The following TTLL4 variants were observed in gnomAD, a reference collection of about 807,000 sequenced individuals.
The protein encoded by TTLL4 is tubulin monoglutamylase TTLL4.
A neutral mutation model predicts 122.7 loss-of-function variants in TTLL4; 85 were observed. The observed-to-expected ratio is 0.69, with a 90% CI of 0.58 to 0.83. The LOEUF is 0.83. Ranked by LOEUF, TTLL4 falls within the 40% of genes least tolerant of loss-of-function variation. The pLI is 0.00. For missense variants in TTLL4, 1,363 were observed against 1,488.6 expected (o/e 0.92, Z 1.39); for synonymous variants, 553 against 563.0 (o/e 0.98, Z 0.25).
chr2:218,750,959 A>G (rs566315673), intron 15 of TTLL4, among the ~76,000 whole-genome samples: 1 of 152,216 alleles, frequency 6.6e-6, no homozygotes, highest in African/African-American at 2.4e-5. Flanking sequence ...ATGTGTGAGG[A>G]AAAAAACCCT....
chr2:218,754,615 G>C lies in TTLL4; in HGVS notation c.*226G>C, dbSNP rs1427467563. On this transcript the variant is annotated 3_prime_UTR_variant, in exon 20 of 20. Transcript: ENST00000392102. ...GTCACCCTCTGTCACCTGTCTGCCT[G>C]GCTGGCACCTCATATCTCAGCAGAG... 3.2e-5 allele frequency: 20 copies of C among 627,538 alleles called. No individual in the cohort carries two copies. Among genetic ancestry groups the C allele is most frequent in the Non-Finnish European group, 4.9e-5 (18 of 370,080 alleles). 38.9% of individuals were successfully genotyped at this position (627,538 alleles called of 1,614,324 possible). A position where few individuals can be genotyped will look rare whatever the true frequency, so the allele number is the denominator to read the frequency against.
chr2:218,752,713 C>T, intron 16 of TTLL4, 50 bp from the exon 17 acceptor site: 1 of 1,601,844 alleles, frequency 6.2e-7, no homozygotes, highest in Non-Finnish European at 8.5e-7. Context: ...GTCTCTGCCC[C>T]TGGCTTACAC....
chr2:218,717,721 G>C (rs898217668), intron 1 of TTLL4, among the ~76,000 whole-genome samples: 1 of 151,972 alleles, frequency 6.6e-6, no homozygotes, highest in African/African-American at 2.4e-5. Flanking sequence ...GAGAGCTTGG[G>C]ATTTATCTCA....
downstream of TTLL4, among the ~76,000 whole-genome samples, chr2:218,756,873 GC>G (rs1367472361): frequency 2.0e-5 from 3 of 152,156 alleles, no homozygotes; most frequent in African/African-American, 7.2e-5. Context: ...TGTTTACTTT[GC>G]ATCCACTTTG....
intron 2 of TTLL4, among the ~76,000 whole-genome samples, chr2:218,728,457 G>A (rs548136626): frequency 1.3e-5 from 2 of 152,292 alleles, no homozygotes; most frequent in African/African-American, 4.8e-5. Flanking sequence ...TTGCCGCTGA[G>A]CCTATAGGAG....
chr2:218,756,908 TAGA>T (rs1007453530), downstream of TTLL4, among the ~76,000 whole-genome samples: 2 of 152,102 alleles, frequency 1.3e-5, no homozygotes, highest in African/African-American at 2.4e-5. Flanking sequence ...CTCAGTTTCT[TAGA>T]AGAAATAGTA....
intron 5 of TTLL4, among the ~76,000 whole-genome samples, chr2:218,740,981 G>A (rs754299926): frequency 3.3e-5 from 5 of 152,144 alleles, no homozygotes; most frequent in Non-Finnish European, 5.9e-5. Context: ...GCTGAGGCAC[G>A]AGAATCACTT....
chr2:218,749,294 G>C lies in TTLL4; in HGVS notation c.2642G>C (p.Arg881Pro), dbSNP rs757236209. The change falls in exon 14 of 20, where the codon CGA becomes CCA. Residue 881 changes from arginine (R) to proline (P), a missense_variant. Arg to Pro is a moderately radical substitution (Grantham distance 103). This residue lies in a region of TTLL4 where 596 missense variants were observed against 655.8 expected (regional missense o/e 0.91). Coordinates refer to ENST00000392102, the MANE Select transcript of TTLL4 (RefSeq NM_014640.5). ...ACCAGCCTGCTCAAGATGTATGTGC[G>C]ACGGCCCTATAGCTGCCATGAACTC... ...YVTSLLKMYV[R>P]RPYSCHELFG... The C allele has an allele frequency of 1.2e-6, 2 of 1,614,116 alleles. No individual in the cohort carries two copies. Among genetic ancestry groups the C allele is most frequent in the South Asian group, 1.1e-5 (1 of 91,080 alleles).
At chr2:218,726,667 G>C (rs946226529) in intron 1 of TTLL4, among the ~76,000 whole-genome samples, 5 of 152,050 alleles carry the variant, frequency 3.3e-5, no homozygotes, top group African/African-American at 1.2e-4. Flanking sequence ...GGGTTTCACT[G>C]TCTTGGCCAG....
At position 218,754,152 on chromosome 2, in the gene TTLL4, G is replaced by A; in HGVS notation, c.3363G>A (p.Glu1121=). Residue 1121 remains glutamate, a synonymous_variant, in exon 20 of 20, where the codon GAG becomes GAA. Transcript: ENST00000392102. ...CCTCCAGAAAACAAAGCTCCTGTGA[G>A]GTTAGCCTACTACTCTCTGAAGACG... is the stretch of plus-strand genomic sequence containing the variant. The part of the protein sequence containing the change: ...TSKLGKQSSC[E]VSLLLSEDGT... 6.2e-7 allele frequency: 1 copy of A among 1,614,136 alleles called. No individual in the cohort carries two copies. Among genetic ancestry groups the A allele is most frequent in the Non-Finnish European group, 8.5e-7 (1 of 1,180,030 alleles).
At chr2:218,728,950 G>T (rs530001263) in intron 2 of TTLL4, among the ~76,000 whole-genome samples, 5 of 148,766 alleles carry the variant, frequency 3.4e-5, no homozygotes, top group Admixed American at 2.0e-4. Context: ...TTGGCGGGGG[G>T]GGGCATAGTT....
At chr2:218,753,731 C>T (rs1429486267) in intron 19 of TTLL4, 62 bp downstream of exon 19, 2 of 1,557,022 alleles carry the variant, frequency 1.3e-6, no homozygotes, top group African/African-American at 1.4e-5. Context: ...TTTCTTCCTT[C>T]CCCTCTTCCC....
chr2:218,721,115 C>T (rs1278438726), intron 1 of TTLL4, among the ~76,000 whole-genome samples: 1 of 152,174 alleles, frequency 6.6e-6, no homozygotes, highest in East Asian at 1.9e-4. Context: ...TGTGGCTGTT[C>T]ATCTGTATCC....
At chr2:218,750,245 T>C (rs1942979853) in intron 15 of TTLL4, 99 bp downstream of exon 15, 1 of 1,491,550 alleles carries the variant, frequency 6.7e-7, no homozygotes. Flanking sequence ...TCTGCCAGGT[T>C]CCCCTTGCTG....
At chr2:218,737,183 A>T (rs1017352242) in intron 2 of TTLL4, among the ~76,000 whole-genome samples, 24 of 152,102 alleles carry the variant, frequency 1.6e-4, no homozygotes, top group African/African-American at 5.8e-4. Flanking sequence ...CTCACTTCAG[A>T]TTTGCTTTAT....
chr2:218,745,018 G>A, intron 5 of TTLL4, 91 bp from the exon 6 acceptor site: 1 of 1,518,326 alleles, frequency 6.6e-7, no homozygotes, highest in Non-Finnish European at 8.9e-7. Flanking sequence ...TTAAAAGACA[G>A]CACTTGGAAA....
chr2:218,720,361 C>T (rs1941996101), intron 1 of TTLL4, among the ~76,000 whole-genome samples: 1 of 152,060 alleles, frequency 6.6e-6, no homozygotes, highest in South Asian at 2.1e-4. Context: ...AGAGTGCACG[C>T]ACTGAGTAAA....
chr2:218,721,718 A>G (rs1430917101), intron 1 of TTLL4, among the ~76,000 whole-genome samples: 1 of 152,196 alleles, frequency 6.6e-6, no homozygotes, highest in Non-Finnish European at 1.5e-5. Flanking sequence ...ATGAGCCCTG[A>G]TTACCATTCT....
chr2:218,752,251 G>A (rs530301461), intron 16 of TTLL4, among the ~76,000 whole-genome samples: 1 of 152,308 alleles, frequency 6.6e-6, no homozygotes, highest in East Asian at 1.9e-4. Context: ...ATCCAGGCCT[G>A]TGATCCTCTG....
Sources: allele counts gnomAD v4.1 joint callset (sites outside exome capture counted in the v4.1 genomes callset), GRCh38; gene constraint gnomAD v4.1.1; regional missense constraint gnomAD v4.1.1; transcripts MANE v1.5; gene names NCBI Gene and HGNC (gene_info 2026-07-23, HGNC 2026-07-21).